Variants in NR1H4 observed in about 807,000 individuals in gnomAD.
NR1H4 encodes bile acid receptor.
A neutral mutation model predicts 58.5 loss-of-function variants in NR1H4; 23 were observed. The ratio of observed to expected loss-of-function variants is 0.39; its 90% CI spans 0.28 to 0.56. The LOEUF (loss-of-function observed/expected upper bound fraction) is 0.56. Among genes scored for constraint, NR1H4 ranks in the 20% least tolerant of loss-of-function variants. The pLI, the probability that NR1H4 is intolerant of heterozygous loss-of-function variation, is 0.58. For synonymous variants in NR1H4, 214 were observed against 198.0 expected (o/e 1.08, Z -0.68); for missense variants, 487 against 576.9 (o/e 0.84, Z 1.60).
At chr12:100,533,983 G>A (rs925422339) in intron 5 of NR1H4, among the ~76,000 whole-genome samples, 1 of 151,206 alleles carries the variant, frequency 6.6e-6, no homozygotes, top group Admixed American at 6.6e-5. Flanking sequence ...TGCAAGCTCC[G>A]CTTCCCGGGT....
intron 1 of NR1H4, among the ~76,000 whole-genome samples, chr12:100,480,222 A>G (rs1230724154): frequency 2.6e-5 from 4 of 152,186 alleles, no homozygotes; most frequent in Admixed American, 6.5e-5. Context: ...CACTACTACC[A>G]TTGGGTTTTT....
chr12:100,556,103 G>C (rs958314341), intron 9 of NR1H4, among the ~76,000 whole-genome samples: 1 of 152,096 alleles, frequency 6.6e-6, no homozygotes, highest in African/African-American at 2.4e-5. Flanking sequence ...TGGGAAGACT[G>C]TTTTTTAAAA....
chr12:100,506,194 C>A (rs761195285), intron 3 of NR1H4, among the ~76,000 whole-genome samples: 7 of 152,116 alleles, frequency 4.6e-5, no homozygotes, highest in Non-Finnish European at 7.4e-5. Context: ...TTGCTAGGTT[C>A]TTTAGGAAAC....
chr12:100,552,920 T>TA (rs397958763), intron 9 of NR1H4, among the ~76,000 whole-genome samples: 3,557 of 108,958 alleles, frequency 0.033, 77 homozygotes, highest in African/African-American at 0.079. Context: ...GATTCTGTCA[T>TA]AAAAAAAAAA....
At chr12:100,527,345 T>C (rs1304341481) in intron 4 of NR1H4, among the ~76,000 whole-genome samples, 2 of 151,818 alleles carry the variant, frequency 1.3e-5, no homozygotes, top group Non-Finnish European at 2.9e-5. Context: ...CTGGACAACA[T>C]AGCTAGACTC....
intron 3 of NR1H4, chr12:100,505,787 A>C: frequency 1.9e-6 from 1 of 513,418 alleles, no homozygotes; most frequent in East Asian, 3.2e-5. Context: ...CAGAAAGCAT[A>C]CTCTAAATTA....
intron 4 of NR1H4, among the ~76,000 whole-genome samples, chr12:100,516,278 A>G (rs1465862896): frequency 6.6e-6 from 1 of 152,236 alleles, no homozygotes; most frequent in African/African-American, 2.4e-5. Context: ...GCAGAAAAGA[A>G]CACGCATAAT....
intron 3 of NR1H4, 103 bp from the exon 4 acceptor site, chr12:100,510,675 C>T: frequency 3.7e-6 from 4 of 1,068,420 alleles, no homozygotes; most frequent in Middle Eastern, 4.4e-4. Flanking sequence ...TTAAATGTTT[C>T]AATCTTTTCT....
At chr12:100,480,638 T>C (rs1055679505) in intron 1 of NR1H4, among the ~76,000 whole-genome samples, 1 of 152,164 alleles carries the variant, frequency 6.6e-6, no homozygotes, top group African/African-American at 2.4e-5. Flanking sequence ...CCAGGCCATA[T>C]ATGTTAGCGG....
intron 4 of NR1H4, among the ~76,000 whole-genome samples, chr12:100,524,979 G>A (rs1954520544): frequency 6.6e-6 from 1 of 152,156 alleles, no homozygotes; most frequent in Admixed American, 6.5e-5. Context: ...CCCTCCTCTT[G>A]TCTCCCAGGT....
chr12:100,499,021 A>C (rs1040623911), intron 3 of NR1H4, among the ~76,000 whole-genome samples: 14 of 152,074 alleles, frequency 9.2e-5, no homozygotes, highest in Admixed American at 6.6e-4. Flanking sequence ...GCCTTGAACT[A>C]CTGGGCCCAA....
chr12:100,513,250 A>G (rs1203485840), intron 4 of NR1H4, among the ~76,000 whole-genome samples: 3 of 152,232 alleles, frequency 2.0e-5, no homozygotes, highest in African/African-American at 4.8e-5. Context: ...TGAATGACAC[A>G]ATGAAAAACC....
chr12:100,482,859 A>G (rs1953410430), intron 1 of NR1H4, among the ~76,000 whole-genome samples: 1 of 152,116 alleles, frequency 6.6e-6, no homozygotes, highest in Non-Finnish European at 1.5e-5. Flanking sequence ...TTTAGGCACC[A>G]TTGTGTAAGC....
chr12:100,527,357 G>A (rs897453481), intron 4 of NR1H4, among the ~76,000 whole-genome samples: 1 of 151,996 alleles, frequency 6.6e-6, no homozygotes, highest in Non-Finnish European at 1.5e-5. Context: ...GCTAGACTCA[G>A]TCTCTATAAA....
chr12:100,510,299 C>T (rs1954073696), intron 3 of NR1H4, among the ~76,000 whole-genome samples: 1 of 151,916 alleles, frequency 6.6e-6, no homozygotes, highest in Admixed American at 6.6e-5. Context: ...GACAAATTTC[C>T]CCCCAAAAAT....
chr12:100,509,484 T>C (rs1593069131), intron 3 of NR1H4, among the ~76,000 whole-genome samples: 1 of 152,204 alleles, frequency 6.6e-6, no homozygotes, highest in East Asian at 1.9e-4. Flanking sequence ...CTATTTTAAG[T>C]CAGCTATAAT....
chr12:100,490,136 A>G (rs954231711), intron 1 of NR1H4, among the ~76,000 whole-genome samples: 4 of 152,248 alleles, frequency 2.6e-5, no homozygotes, highest in Non-Finnish European at 5.9e-5. Context: ...CAAGAAAAAC[A>G]ATAAATGCAG....
intron 3 of NR1H4, among the ~76,000 whole-genome samples, chr12:100,497,875 A>T (rs1225772648): frequency 1.3e-5 from 2 of 152,238 alleles, no homozygotes; most frequent in African/African-American, 4.8e-5. Flanking sequence ...TTTAAAACTC[A>T]AAAATTACAA....
In NR1H4 at chr12:100,546,120, C is replaced by T. The variant is rs912922234; in HGVS notation, c.1078+5302C>T. On this transcript the variant is annotated intron_variant, in intron 9 of 10. Coordinates refer to ENST00000392986, the MANE Select transcript of NR1H4 (RefSeq NM_001206979.2). The stretch of plus-strand genomic sequence containing the variant: ...AAGTGTGTCCTCAGCACTCACAGGG[C>T]GGCAGCTGGAGGCTATCAGCCAGCC... Among the ~76,000 whole-genome samples, 10 of 152,206 alleles carry T rather than the reference C, an allele frequency of 6.6e-5. No homozygotes were observed. In the South Asian group the frequency reaches 1.7e-3, roughly 25 times the overall value.
Sources: gnomAD v4.1 joint callset for allele counts (sites outside exome capture counted in the v4.1 genomes callset) on GRCh38, gnomAD v4.1.1 for gene constraint, MANE v1.5 for transcripts, NCBI Gene and HGNC (gene_info 2026-07-23, HGNC 2026-07-21) for gene names.